KANK1: variants seen among roughly 807,000 people sequenced by gnomAD.
KANK1 encodes the protein KN motif and ankyrin repeat domain-containing protein 1.
In KANK1, 109 loss-of-function variants were observed where a neutral mutation model predicts 106.2. That is an observed-to-expected ratio of 1.03 (90% CI 0.88 to 1.20). The LOEUF (loss-of-function observed/expected upper bound fraction) is 1.20. KANK1 is among the 50% of genes most tolerant of loss of function. The probability of loss-of-function intolerance (pLI) is 0.00; values close to 1 mark genes in which losing one functional copy is unlikely to be tolerated. For synonymous variants in KANK1, 873 were observed against 652.2 expected (o/e 1.34, Z -5.16); for missense variants, 2,399 against 1,710.7 (o/e 1.40, Z -7.10).
intron 1 of KANK1, among the ~76,000 whole-genome samples, chr9:506,803 G>T (rs573109726): frequency 1.3e-5 from 2 of 152,260 alleles, no homozygotes; most frequent in African/African-American, 2.4e-5. Flanking sequence ...CTAGTTGGGG[G>T]CAGTGCAAGG....
intron 2 of KANK1, among the ~76,000 whole-genome samples, chr9:707,419 C>A (rs892190469): frequency 6.6e-6 from 1 of 152,270 alleles, no homozygotes; most frequent in Non-Finnish European, 1.5e-5. Flanking sequence ...CCGGGAGGCC[C>A]GGATCAGCCT....
At chr9:596,731 T>C (rs1487826141) in intron 1 of KANK1, among the ~76,000 whole-genome samples, 1 of 151,888 alleles carries the variant, frequency 6.6e-6, no homozygotes, top group Non-Finnish European at 1.5e-5. Context: ...CTTTTATTTA[T>C]TTTTAATGAG....
chr9:666,387 G>A lies in KANK1; in HGVS notation c.-83-10503G>A, dbSNP rs144290949. On this transcript the variant is annotated intron_variant, in intron 1 of 11. Coordinates refer to ENST00000382297, the MANE Select transcript of KANK1 (RefSeq NM_015158.5). ...GTTTTTAAAAATAGAAGATCCTGTC[G>A]TTTACATTCAAAGCGAATTTGACTT... Among the ~76,000 whole-genome samples, 18 of 152,100 alleles carry A rather than the reference G, an allele frequency of 1.2e-4. No homozygotes were observed. The East Asian group carries it at 1.7e-3, about 15-fold the overall frequency.
At position 515,937 on chromosome 9, in the gene KANK1, C is replaced by T. The variant is rs191207248; in HGVS notation, c.-84+11183C>T. On this transcript the variant is annotated intron_variant, in intron 1 of 11. Transcript: ENST00000382297. ...TCCTGTTGACATTTTGAGATTTCTT[C>T]CTTTAGCTTTTATTCTGGGCACCTA... Among the ~76,000 whole-genome samples the T allele has an allele frequency of 2.6e-5, 4 of 151,816 alleles. No individual in the cohort carries two copies. In the East Asian group the frequency reaches 7.7e-4, roughly 29 times the overall value.
At chr9:559,714 C>A (rs2804262) in intron 1 of KANK1, among the ~76,000 whole-genome samples, 123,484 of 152,184 alleles carry the variant, frequency 0.81, 50,276 homozygotes, top group African/African-American at 0.85. Context: ...CATTTTCTGA[C>A]ATAGGGAATG....
intron 2 of KANK1, among the ~76,000 whole-genome samples, chr9:689,096 G>A (rs1409376458): frequency 6.6e-6 from 1 of 152,096 alleles, no homozygotes; most frequent in Non-Finnish European, 1.5e-5. Flanking sequence ...CAATTCATTT[G>A]GTATTGGCTT....
At chr9:620,020 C>T (rs1832760856) in intron 1 of KANK1, among the ~76,000 whole-genome samples, 3 of 152,020 alleles carry the variant, frequency 2.0e-5, no homozygotes, top group Non-Finnish European at 4.4e-5. Context: ...GCCTGTAATC[C>T]CAGCTGCTAG....
intron 1 of KANK1, among the ~76,000 whole-genome samples, chr9:650,401 ATC>A (rs1167049908): frequency 6.6e-6 from 1 of 152,162 alleles, no homozygotes; most frequent in Non-Finnish European, 1.5e-5. Flanking sequence ...TGGCTTAAAG[ATC>A]TCTGTTAAAA....
chr9:541,076 T>C (rs1178586895), intron 1 of KANK1, among the ~76,000 whole-genome samples: 2 of 152,102 alleles, frequency 1.3e-5, no homozygotes, highest in Non-Finnish European at 2.9e-5. Context: ...AACTTCCTTG[T>C]AGTGCTGCTT....
At chr9:727,680 A>ATATGTGTG (rs748822170) in intron 3 of KANK1, among the ~76,000 whole-genome samples, 6 of 139,768 alleles carry the variant, frequency 4.3e-5, no homozygotes, top group Admixed American at 2.8e-4. Context: ...ATAACTTTTC[A>ATATGTGTG]TGTGTGTGTG....
intron 8 of KANK1, among the ~76,000 whole-genome samples, chr9:740,257 G>A (rs1295684280): frequency 6.6e-6 from 1 of 152,134 alleles, no homozygotes; most frequent in Non-Finnish European, 1.5e-5. Flanking sequence ...CATAAATTCT[G>A]GAGCTGGATG....
At chr9:692,961 C>T (rs555724032) in intron 2 of KANK1, among the ~76,000 whole-genome samples, 8 of 152,046 alleles carry the variant, frequency 5.3e-5, no homozygotes, top group Admixed American at 1.3e-4. Flanking sequence ...GTGATTGCAC[C>T]GCTGTACTCC....
At chr9:471,146 G>A (rs942698729) in intron 2 of KANK1, among the ~76,000 whole-genome samples, 3 of 152,206 alleles carry the variant, frequency 2.0e-5, no homozygotes, top group Non-Finnish European at 4.4e-5. Flanking sequence ...ACCTGCCCTG[G>A]ATCTGATCAT....
At position 740,857 on chromosome 9, in the gene KANK1, G is replaced by T. The variant is rs148917415; in HGVS notation, c.3619G>T (p.Ala1207Ser). The change falls in exon 9 of 12, where the codon GCT (alanine) becomes TCT (serine). Residue 1207 changes from alanine to serine, a missense_variant. By Grantham distance (99) the Ala-to-Ser change is moderately conservative. Coordinates refer to ENST00000382297, the MANE Select transcript of KANK1 (RefSeq NM_015158.5). ...YTPIMLAALA[A>S]VEAEKDMRIV... The stretch of plus-strand genomic sequence containing the variant: ...CCCCATCATGTTGGCGGCCCTCGCC[G>T]CTGTGGAAGCAGAGAAGGACATGCG... The T allele has an allele frequency of 5.0e-6, 8 of 1,613,806 alleles. No individual in the cohort carries two copies. The South Asian group carries it at 5.5e-5, about 11-fold the overall frequency.
At chr9:734,127 A>AC (rs1833072439) in intron 6 of KANK1, 1 of 150,776 alleles carries the variant, frequency 6.6e-6, no homozygotes, top group Admixed American at 6.7e-5. Flanking sequence ...AAAAAAAAAA[A>AC]AAAAAACTTA....
chr9:738,600 C>G, intron 8 of KANK1, 96 bp downstream of exon 8: 2 of 944,200 alleles, frequency 2.1e-6, no homozygotes, highest in Non-Finnish European at 3.4e-6. Context: ...AATTCTCTGA[C>G]CATGCTAAAA....
At chr9:592,131 A>T (rs1394607433) in intron 1 of KANK1, among the ~76,000 whole-genome samples, 1 of 151,760 alleles carries the variant, frequency 6.6e-6, no homozygotes, top group East Asian at 1.9e-4. Flanking sequence ...AAAAGATGCA[A>T]ACCTTCTTGG....
intron 1 of KANK1, among the ~76,000 whole-genome samples, chr9:611,543 C>T (rs985750309): frequency 2.6e-5 from 4 of 152,184 alleles, no homozygotes; most frequent in Admixed American, 1.3e-4. Context: ...AGTTACATTT[C>T]ACTTCACTTC....
chr9:554,131 C>A (rs1334658438), intron 1 of KANK1, among the ~76,000 whole-genome samples: 1 of 152,146 alleles, frequency 6.6e-6, no homozygotes, highest in East Asian at 1.9e-4. Flanking sequence ...TTACGAAGGC[C>A]AGGAAGTCCC....
Sources: allele counts gnomAD v4.1 joint callset (sites outside exome capture counted in the v4.1 genomes callset), GRCh38; gene constraint gnomAD v4.1.1; transcripts MANE v1.5; gene names NCBI Gene and HGNC (gene_info 2026-07-23, HGNC 2026-07-21).